Variants in RNF220 observed in about 807,000 individuals in gnomAD.
RNF220 encodes the protein E3 ubiquitin-protein ligase RNF220.
A neutral mutation model predicts 67.1 loss-of-function variants in RNF220; 7 were observed. That is an observed-to-expected ratio of 0.10 (90% CI 0.06 to 0.20). The LOEUF (loss-of-function observed/expected upper bound fraction) is 0.20, where lower values mean the gene tolerates loss of function less well. Among genes scored for constraint, RNF220 ranks in the 10% least tolerant of loss-of-function variants. The pLI is 1.00. For synonymous variants in RNF220, 270 were observed against 283.2 expected, an observed-to-expected ratio of 0.95 and a Z score of 0.47; for missense variants, 565 against 740.3, an observed-to-expected ratio of 0.76 and a Z score of 2.75.
chr1:44,431,005 A>G (rs776271234), intron 2 of RNF220, among the ~76,000 whole-genome samples: 68 of 152,196 alleles, frequency 4.5e-4, no homozygotes, highest in Non-Finnish European at 3.2e-4. Flanking sequence ...CAAATGGTCA[A>G]GTGGATGGGA....
intron 2 of RNF220, among the ~76,000 whole-genome samples, chr1:44,514,690 T>C: frequency 6.6e-6 from 1 of 152,172 alleles, no homozygotes. Flanking sequence ...TAGATTTTTT[T>C]AAAAAAGATA....
At chr1:44,641,750 G>A (rs1359557945) in intron 8 of RNF220, among the ~76,000 whole-genome samples, 1 of 152,198 alleles carries the variant, frequency 6.6e-6, no homozygotes, top group Non-Finnish European at 1.5e-5. Context: ...ATTGGCAGCA[G>A]CAGCCTGTTC....
intron 2 of RNF220, among the ~76,000 whole-genome samples, chr1:44,601,938 A>G (rs1573006586): frequency 6.6e-6 from 1 of 152,164 alleles, no homozygotes; most frequent in African/African-American, 2.4e-5. Flanking sequence ...AAAGGAAGTA[A>G]GAAGTTGAGT....
intron 2 of RNF220, among the ~76,000 whole-genome samples, chr1:44,547,204 GC>G (rs1277747918): frequency 2.0e-5 from 3 of 152,164 alleles, no homozygotes; most frequent in African/African-American, 7.2e-5. Context: ...ACTGGACCAA[GC>G]CTTCCCCATT....
At chr1:44,486,428 A>G (rs1656312842) in intron 2 of RNF220, among the ~76,000 whole-genome samples, 1 of 152,210 alleles carries the variant, frequency 6.6e-6, no homozygotes, top group Admixed American at 6.5e-5. Flanking sequence ...CTTTTTAAAA[A>G]TAACTTTAAA....
At chr1:44,525,907 A>G (rs1660334129) in intron 2 of RNF220, among the ~76,000 whole-genome samples, 1 of 152,116 alleles carries the variant, frequency 6.6e-6, no homozygotes, top group Admixed American at 6.5e-5. Context: ...TGCTGTCCTT[A>G]TGTCCGTTCT....
chr1:44,550,480 T>C (rs1488214759), intron 2 of RNF220, among the ~76,000 whole-genome samples: 1 of 152,072 alleles, frequency 6.6e-6, no homozygotes, highest in East Asian at 1.9e-4. Context: ...AGAGCAAATC[T>C]CCCCTAGGTG....
intron 5 of RNF220, chr1:44,631,768 G>A (rs1644130828): frequency 5.7e-6 from 2 of 352,598 alleles, no homozygotes; most frequent in African/African-American, 2.2e-5. Flanking sequence ...CAGCGGGAGG[G>A]GTCGTGGAGT....
rs190674785 is a variant in RNF220, at chr1:44,420,499, C to T, written c.625+7777C>T. Among the ~76,000 whole-genome samples, 22 of 152,314 alleles carry T rather than the reference C, an allele frequency of 1.4e-4. No individual in the cohort carries two copies. The East Asian group carries it at 4.2e-3, about 29-fold the overall frequency. On this transcript the variant is annotated intron_variant, in intron 2 of 14. Transcript: ENST00000361799. Reference sequence around the variant, plus strand: ...GTGCCAGCTAATCCTATATTGCTCTCATTTGACCTTGCTTCTGGGGGTTTG... The same window carrying T: ...GTGCCAGCTAATCCTATATTGCTCTTATTTGACCTTGCTTCTGGGGGTTTG...
At chr1:44,520,892 ATT>A (rs1659882555) in intron 2 of RNF220, among the ~76,000 whole-genome samples, 1 of 151,970 alleles carries the variant, frequency 6.6e-6, no homozygotes, top group Non-Finnish European at 1.5e-5. Context: ...TAATAATGTG[ATT>A]TGTTTTTGTT....
chr1:44,411,954 C>CT (rs1648011561), intron 1 of RNF220, 27 bp from the exon 2 acceptor site: 8 of 917,636 alleles, frequency 8.7e-6, no homozygotes, highest in Admixed American at 6.4e-5. Context: ...CCTCCCCCTT[C>CT]TTTTTTTCTC....
intron 2 of RNF220, among the ~76,000 whole-genome samples, chr1:44,432,902 T>TTC (rs1259580928): frequency 3.6e-4 from 54 of 151,620 alleles, no homozygotes; most frequent in African/African-American, 1.3e-3. Context: ...TGGCTTTTCT[T>TTC]TTTTTTTTTT....
At chr1:44,594,297 C>T (rs1310199713) in intron 2 of RNF220, among the ~76,000 whole-genome samples, 1 of 152,032 alleles carries the variant, frequency 6.6e-6, no homozygotes, top group Admixed American at 6.6e-5. Context: ...TTCATTCCCT[C>T]CTCCTCCTTT....
chr1:44,622,764 GC>G lies in RNF220; in HGVS notation c.783del (p.Met262TrpfsTer54). 1 of 1,614,022 alleles carries G rather than the reference GC, an allele frequency of 6.2e-7. No homozygotes were observed. Among genetic ancestry groups the G allele is most frequent in the Non-Finnish European group, 8.5e-7 (1 of 1,179,934 alleles). ...PSSKNSLLKDAMAPGTPKSLL... is the reference protein window; with the variant it reads ...PSSKNSLLKDXMAPGTPKSLL... Reference sequence around the variant, plus strand: ...CAGCAAGAATTCCCTTCTGAAGGATGCCATGGCTCCAGGCACCCCAAAGGTA... The same window carrying G: ...CAGCAAGAATTCCCTTCTGAAGGATGCATGGCTCCAGGCACCCCAAAGGTA... On this transcript the variant is annotated frameshift_variant, in exon 4 of 15. Transcript: ENST00000361799. LOFTEE classifies it high-confidence loss of function. The surrounding 1 kb of genome is among the most constrained non-coding windows in gnomAD (Gnocchi z 4.3).
chr1:44,503,952 C>T (rs1190392640), intron 2 of RNF220, among the ~76,000 whole-genome samples: 1 of 152,066 alleles, frequency 6.6e-6, no homozygotes, highest in African/African-American at 2.4e-5. Context: ...TGGGTTCAAG[C>T]GATTCTCCTG....
At chr1:44,553,468 C>T (rs1662834922) in intron 2 of RNF220, among the ~76,000 whole-genome samples, 1 of 152,158 alleles carries the variant, frequency 6.6e-6, no homozygotes, top group Admixed American at 6.5e-5. Flanking sequence ...GTTTCTCTCT[C>T]ACTAAAAACG....
At chr1:44,573,846 G>T (rs1664618003) in intron 2 of RNF220, among the ~76,000 whole-genome samples, 1 of 152,164 alleles carries the variant, frequency 6.6e-6, no homozygotes, top group East Asian at 1.9e-4. Context: ...GGGCGTGGTG[G>T]CTCACCCCTG....
Position 44,420,029 on chromosome 1 carries a change from C to A in RNF220, c.625+7307C>A, listed in dbSNP as rs549832393. 3.3e-5 allele frequency among the ~76,000 whole-genome samples: 5 copies of A among 152,276 alleles called. 1 individual carries two copies. In the South Asian group the frequency reaches 1.0e-3, roughly 32 times the overall value. On this transcript the variant is annotated intron_variant, in intron 2 of 14. Transcript: ENST00000361799. ...TTTAGAAAAAAGTTTCCACCTAGAT[C>A]CTGGCCAAAGTTGCAAACAGTCAAG...
intron 2 of RNF220, among the ~76,000 whole-genome samples, chr1:44,521,156 C>G (rs1456566638): frequency 6.6e-6 from 1 of 152,190 alleles, no homozygotes; most frequent in African/African-American, 2.4e-5. Flanking sequence ...CTTGGCCTCC[C>G]AAAGTGCTGG....
Sources: gnomAD v4.1 joint callset for allele counts (sites outside exome capture counted in the v4.1 genomes callset) on GRCh38, gnomAD v4.1.1 for gene constraint, Gnocchi (gnomAD v3.1) non-coding constraint, MANE v1.5 for transcripts, NCBI Gene and HGNC (gene_info 2026-07-23, HGNC 2026-07-21) for gene names.